Variants in PCDHGA1 observed in about 807,000 individuals in gnomAD.
The protein encoded by PCDHGA1 is protocadherin gamma subfamily A, 1, also known as protocadherin gamma-A1.
A neutral mutation model predicts 58.0 loss-of-function variants in PCDHGA1; 32 were observed. The ratio of observed to expected loss-of-function variants is 0.55; its 90% CI spans 0.42 to 0.74. The LOEUF (loss-of-function observed/expected upper bound fraction) is 0.74. Among genes scored for constraint, PCDHGA1 ranks in the 30% least tolerant of loss-of-function variants. The pLI, the probability that PCDHGA1 is intolerant of heterozygous loss-of-function variation, is 0.00. For missense variants in PCDHGA1, 1,205 were observed against 1,182.3 expected, an observed-to-expected ratio of 1.02 and a Z score of -0.28; for synonymous variants, 498 against 501.1, an observed-to-expected ratio of 0.99 and a Z score of 0.08.
chr5:141,433,641 G>T (rs1177387884), intron 1 of PCDHGA1, among the ~76,000 whole-genome samples: 1 of 152,104 alleles, frequency 6.6e-6, no homozygotes, highest in Admixed American at 6.5e-5. Flanking sequence ...TTTGAGACCA[G>T]CCTGACCAAC....
chr5:141,339,455 G>T, intron 1 of PCDHGA1: 1 of 1,614,190 alleles, frequency 6.2e-7, no homozygotes, highest in Non-Finnish European at 8.5e-7. Flanking sequence ...TGATGCAGAC[G>T]TAGGTGAGAA....
rs1373678836 is a variant in PCDHGA1, at chr5:141,477,459, C to T, written c.2422-17348C>T. 6.2e-7 allele frequency: 1 copy of T among 1,614,186 alleles called. No homozygotes were observed. The highest frequency in any genetic ancestry group is 8.5e-7 in the Non-Finnish European group (1 of 1,180,034). On this transcript the variant is annotated intron_variant, in intron 1 of 3. Coordinates refer to ENST00000517417, the MANE Select transcript of PCDHGA1 (RefSeq NM_018912.3). This position sits in a 1 kb window ranked among gnomAD's most constrained non-coding sequence, Gnocchi z 4.9. ...CTTACAATAGTGCGTGTTCAAGTGTCCGACATCAATGACAACCCTCCACAA... is the reference window on the plus strand; with the variant it reads ...CTTACAATAGTGCGTGTTCAAGTGTTCGACATCAATGACAACCCTCCACAA...
At position 141,474,586 on chromosome 5, in the gene PCDHGA1, A is replaced by T. The variant is rs149003643; in HGVS notation, c.2422-20221A>T. 7.1e-4 allele frequency among the ~76,000 whole-genome samples: 108 copies of T among 152,340 alleles called. No individual in the cohort carries two copies. The East Asian group carries it at 0.015, about 21-fold the overall frequency. The stretch of plus-strand genomic sequence containing the variant: ...TCAGAGATTAATTGAAGTGTTAAAG[A>T]CATGGAAATATAGGTCACATATGGC... On this transcript the variant is annotated intron_variant, in intron 1 of 3. Coordinates refer to ENST00000517417, the MANE Select transcript of PCDHGA1 (RefSeq NM_018912.3).
chr5:141,436,040 C>A (rs989038133), intron 1 of PCDHGA1, among the ~76,000 whole-genome samples: 2 of 152,060 alleles, frequency 1.3e-5, no homozygotes, highest in African/African-American at 4.8e-5. Context: ...TTTGTATTTA[C>A]ATTAGTTTTC....
chr5:141,442,298 G>A (rs934210433), intron 1 of PCDHGA1: 2 of 152,564 alleles, frequency 1.3e-5, no homozygotes, highest in African/African-American at 4.8e-5. Flanking sequence ...TCCTGTCTGA[G>A]TCTTTCCCAC....
At chr5:141,394,982 C>T (rs754667421) in intron 1 of PCDHGA1, 16 of 1,613,866 alleles carry the variant, frequency 9.9e-6, no homozygotes, top group Non-Finnish European at 1.3e-5. Context: ...ACAAGTCACG[C>T]CTGCTCCAGG....
chr5:141,331,574 A>G lies in PCDHGA1; in HGVS notation c.890A>G (p.Tyr297Cys). The change falls in exon 1 of 4, where the codon TAC becomes TGC. Residue 297 changes from tyrosine to cysteine, a missense_variant. Physicochemically the swap from Tyr to Cys is radical, Grantham distance 194. Coordinates refer to ENST00000517417, the MANE Select transcript of PCDHGA1 (RefSeq NM_018912.3). ...GCCCAAATATTTCGTTTAGATTCTT[A>G]CACAGGAGAAATATCAAATAAAGAA... Reference protein sequence around the residue: ...RVAQIFRLDSYTGEISNKEPL... With the variant: ...RVAQIFRLDSCTGEISNKEPL... 6.2e-7 allele frequency: 1 copy of G among 1,614,172 alleles called. No individual in the cohort carries two copies. The highest frequency in any genetic ancestry group is 1.6e-4 in the Middle Eastern group (1 of 6,062).
intron 1 of PCDHGA1, chr5:141,391,507 T>C (rs2092381186): frequency 6.6e-6 from 1 of 152,172 alleles, no homozygotes; most frequent in Non-Finnish European, 1.5e-5. Context: ...AGAAAATATT[T>C]TCTTTCACTA....
At chr5:141,498,709 A>G (rs1245852373) in intron 2 of PCDHGA1, among the ~76,000 whole-genome samples, 2 of 152,148 alleles carry the variant, frequency 1.3e-5, no homozygotes, top group African/African-American at 4.8e-5. Context: ...AGGTGGGTGG[A>G]TCACCTGAGG....
intron 1 of PCDHGA1, chr5:141,408,406 G>T (rs750833105): frequency 5.0e-6 from 8 of 1,614,066 alleles, no homozygotes; most frequent in East Asian, 2.2e-5. Flanking sequence ...AGCTGCGAGT[G>T]AGCGCGGAGA....
Position 141,462,764 on chromosome 5 carries a change from G to C in PCDHGA1, c.2422-32043G>C, listed in dbSNP as rs150842317. Among the ~76,000 whole-genome samples, 589 of 152,084 alleles carry C rather than the reference G, an allele frequency of 3.9e-3. 5 individuals are homozygous for C. Among genetic ancestry groups the C allele is most frequent in the Admixed American group, 0.011 (169 of 15,274 alleles). ...AATTCCTATGATGATTTTCTTCCTG[G>C]CTTGGGGTCATAATTTGTTGCTTAT... On this transcript the variant is annotated intron_variant, in intron 1 of 3. Transcript: ENST00000517417.
rs1174072440 is a variant in PCDHGA1, at chr5:141,438,581, TACATACATAC to T, written c.2422-56224_2422-56215del. Among the ~76,000 whole-genome samples, 141 of 49,790 alleles carry T rather than the reference TACATACATAC, an allele frequency of 2.8e-3. 1 individual carries two copies. Among genetic ancestry groups the T allele is most frequent in the African/African-American group, 0.014 (97 of 6,866 alleles). 32.7% of individuals were successfully genotyped at this position (49,790 alleles called of 152,430 possible). A position where few individuals can be genotyped will look rare whatever the true frequency, so the allele number is the denominator to read the frequency against. On this transcript the variant is annotated intron_variant, in intron 1 of 3. Coordinates refer to ENST00000517417, the MANE Select transcript of PCDHGA1 (RefSeq NM_018912.3). ...GAGGCAGCTGTCTGATATACATACA[TACATACATAC>T]ATATATATATATATATATATATATA...
At chr5:141,374,163 C>T (rs764323551) in intron 1 of PCDHGA1, 3 of 1,612,724 alleles carry the variant, frequency 1.9e-6, no homozygotes, top group Admixed American at 1.7e-5. Context: ...TGGGGGGCCG[C>T]GGCAGCGCAG....
intron 1 of PCDHGA1, chr5:141,378,636 G>A (rs1775063094): frequency 6.6e-6 from 1 of 152,168 alleles, no homozygotes; most frequent in African/African-American, 2.4e-5. Context: ...CTGGTGAATG[G>A]GAGAACAAAT....
chr5:141,372,676 C>G (rs370799055), intron 1 of PCDHGA1: 1 of 1,613,898 alleles, frequency 6.2e-7, no homozygotes, highest in African/African-American at 1.3e-5. Context: ...TCACATTCCT[C>G]AAACACCGAG....
intron 1 of PCDHGA1, among the ~76,000 whole-genome samples, chr5:141,444,402 C>T (rs916833331): frequency 6.6e-6 from 1 of 151,932 alleles, no homozygotes; most frequent in African/African-American, 2.4e-5. Flanking sequence ...AACTCCCAAC[C>T]TCAGGTGATC....
intron 1 of PCDHGA1, chr5:141,390,418 A>C (rs2092141411): frequency 9.1e-7 from 1 of 1,099,654 alleles, no homozygotes; most frequent in African/African-American, 1.6e-5. Context: ...TAGTCAGTTA[A>C]AAAGCTGTCA....
intron 2 of PCDHGA1, among the ~76,000 whole-genome samples, chr5:141,501,092 C>A: frequency 6.6e-6 from 1 of 152,118 alleles, no homozygotes; most frequent in East Asian, 1.9e-4. Flanking sequence ...TGGTCTCAAT[C>A]TCTTGACCTC....
intron 1 of PCDHGA1, among the ~76,000 whole-genome samples, chr5:141,406,975 C>A (rs1434644612): frequency 6.6e-6 from 1 of 152,108 alleles, no homozygotes; most frequent in African/African-American, 2.4e-5. Flanking sequence ...TAGTAAATAA[C>A]ATTTCACAAG....
Sources: allele counts gnomAD v4.1 joint callset (sites outside exome capture counted in the v4.1 genomes callset), GRCh38; gene constraint gnomAD v4.1.1; non-coding constraint Gnocchi (gnomAD v3.1); transcripts MANE v1.5; gene names NCBI Gene and HGNC (gene_info 2026-07-23, HGNC 2026-07-21).